The following VPS13C variants were observed in gnomAD, a reference collection of about 807,000 sequenced individuals.
The protein encoded by VPS13C is vacuolar protein sorting 13 homolog C, also known as intermembrane lipid transfer protein VPS13C.
In VPS13C, 358 loss-of-function variants were observed where a neutral mutation model predicts 456.8. The ratio of observed to expected loss-of-function variants is 0.78; its 90% CI spans 0.72 to 0.86. VPS13C has a LOEUF of 0.86. Ranked by LOEUF, VPS13C falls within the 40% of genes least tolerant of loss-of-function variation. The pLI is 0.00. For synonymous variants in VPS13C, 1,578 were observed against 1,486.7 expected (o/e 1.06, Z -1.41); for missense variants, 4,818 against 4,385.4 (o/e 1.10, Z -2.79).
At position 61,863,513 on chromosome 15, in the gene VPS13C, A is replaced by G. The variant is rs1242793295; in HGVS notation, c.10879T>C (p.Leu3627=). 15 of 1,612,666 alleles carry G rather than the reference A, an allele frequency of 9.3e-6. No homozygotes were observed. Among genetic ancestry groups the G allele is most frequent in the Non-Finnish European group, 1.3e-5 (15 of 1,179,076 alleles). The change falls in exon 82 of 85, where the codon TTG becomes CTG. Residue 3627 remains leucine, a synonymous_variant. Coordinates refer to ENST00000644861, the MANE Select transcript of VPS13C (RefSeq NM_020821.3). ...SDLLENHIKK[L]EGETYRYHCA... is the part of the protein sequence containing the mutation. ...TGGTATCGGTAAGTCTCTCCTTCCA[A>G]CTTTTTGATATGATTCTGAAAAGGA...
At chr15:61,973,432 A>C in intron 26 of VPS13C, 22 bp downstream of exon 26, 1 of 1,581,050 alleles carries the variant, frequency 6.3e-7, no homozygotes, top group Non-Finnish European at 8.7e-7. Flanking sequence ...TTAATAGAGA[A>C]AGAGTATTTT....
At chr15:61,914,878 T>TAAAAAAAAAAAAAAAAAAAAAAAAA (rs60910951) in intron 61 of VPS13C, among the ~76,000 whole-genome samples, 6 of 102,052 alleles carry the variant, frequency 5.9e-5, no homozygotes, top group Admixed American at 1.1e-4. Flanking sequence ...AACTCTGCCT[T>TAAAAAAAAAAAAAAAAAAAAAAAAA]AAAAAAAAAA....
intron 14 of VPS13C, 99 bp from the exon 15 acceptor site, chr15:62,007,578 G>T: frequency 9.2e-7 from 1 of 1,090,554 alleles, no homozygotes; most frequent in Non-Finnish European, 1.2e-6. Context: ...CAAATTTTTT[G>T]TTCTTCTTAA....
rs12917535 is a variant in VPS13C, at chr15:62,033,319, A to T, written c.385+122T>A. The stretch of plus-strand genomic sequence containing the variant: ...AAAATATAAGCAATATTTTGAGATT[A>T]AAAAAAAATTATGTCTTTAGAACTT... On this transcript the variant is annotated intron_variant, in intron 5 of 84. Coordinates refer to ENST00000644861, the MANE Select transcript of VPS13C (RefSeq NM_020821.3). The T allele has an allele frequency of 0.56, 270,278 of 485,130 alleles. 74,370 individuals are homozygous for T. The highest frequency in any genetic ancestry group is 0.65 in the Admixed American group (14,773 of 22,808). The allele number at this position is 485,130 out of a possible 1,614,324, so 30.1% of individuals were successfully genotyped here.
At chr15:61,983,186 C>T (rs2140391844) in intron 20 of VPS13C, among the ~76,000 whole-genome samples, 1 of 151,650 alleles carries the variant, frequency 6.6e-6, no homozygotes, top group African/African-American at 2.4e-5. Context: ...TCCCCCCACC[C>T]ACACACACAC....
At chr15:61,949,987 T>C (rs4581655) in intron 41 of VPS13C, among the ~76,000 whole-genome samples, 66,695 of 152,076 alleles carry the variant, frequency 0.44, 14,759 homozygotes, top group Middle Eastern at 0.64. Context: ...CCTTGCTTTA[T>C]GCTTCAGTTA....
chr15:61,928,559 T>A (rs1260433935), intron 51 of VPS13C, among the ~76,000 whole-genome samples: 1 of 152,076 alleles, frequency 6.6e-6, no homozygotes, highest in Non-Finnish European at 1.5e-5. Context: ...GAGAGAAAAA[T>A]ATCTGACCTT....
Position 61,940,698 on chromosome 15 carries a change from C to G in VPS13C, c.5550G>C (p.Trp1850Cys). 1.2e-6 allele frequency: 2 copies of G among 1,613,748 alleles called. No individual in the cohort carries two copies. Among genetic ancestry groups the G allele is most frequent in the Non-Finnish European group, 8.5e-7 (1 of 1,179,852 alleles). Residue 1850 changes from tryptophan to cysteine, a missense_variant, in exon 47 of 85, where the codon TGG (tryptophan) becomes TGC (cysteine). Around this residue, in one of 3 missense-constraint regions of VPS13C, gnomAD observed 4,552 missense variants for 4,130.6 expected, o/e 1.10. Transcript: ENST00000644861. ...TCTCCATCCCTGGAATTTGCACATACCATGCTGCTGCTAAGTTTCGCTGTA... is the reference window on the plus strand; with the variant it reads ...TCTCCATCCCTGGAATTTGCACATAGCATGCTGCTGCTAAGTTTCGCTGTA... Reference protein sequence around the residue: ...LSIQRNLAAAWYVQIPGMEIK... With the variant: ...LSIQRNLAAACYVQIPGMEIK...
At chr15:61,935,328 A>G (rs1014000496) in intron 48 of VPS13C, 1 of 152,210 alleles carries the variant, frequency 6.6e-6, no homozygotes, top group African/African-American at 2.4e-5. Context: ...GTCATACTAT[A>G]GAACAGTCTG....
intron 83 of VPS13C, among the ~76,000 whole-genome samples, chr15:61,855,709 T>C (rs76368430): frequency 0.012 from 1,777 of 152,144 alleles, 43 homozygotes; most frequent in African/African-American, 0.041. Flanking sequence ...GAAATTGCCA[T>C]ATTTAGAATA....
intron 47 of VPS13C, among the ~76,000 whole-genome samples, 196 bp from the exon 48 acceptor site, chr15:61,936,946 C>T (rs1408621176): frequency 6.6e-6 from 1 of 152,194 alleles, no homozygotes; most frequent in African/African-American, 2.4e-5. Context: ...TGCCTTCGCC[C>T]ATATCCAGGC....
At chr15:62,018,475 T>C (rs1196696371) in intron 9 of VPS13C, among the ~76,000 whole-genome samples, 1 of 151,796 alleles carries the variant, frequency 6.6e-6, no homozygotes. Flanking sequence ...ATACCTAATC[T>C]ATTGAGAGTT....
At chr15:61,864,881 T>G (rs1266515738) in intron 81 of VPS13C, 8 of 973,140 alleles carry the variant, frequency 8.2e-6, no homozygotes, top group Non-Finnish European at 9.8e-6. Context: ...CAGCTTGAAA[T>G]TTAAATATGT....
chr15:61,954,941 A>G (rs1052840127), intron 37 of VPS13C, among the ~76,000 whole-genome samples: 5 of 152,162 alleles, frequency 3.3e-5, no homozygotes, highest in African/African-American at 1.2e-4. Flanking sequence ...CCAGGGAATG[A>G]TAACACATGA....
At position 61,867,461 on chromosome 15, in the gene VPS13C, T is replaced by A; in HGVS notation, c.10863+1198A>T. 2 of 987,800 alleles carry A rather than the reference T, an allele frequency of 2.0e-6. No individual in the cohort carries two copies. Among genetic ancestry groups the A allele is most frequent in the Non-Finnish European group, 2.4e-6 (2 of 831,794 alleles). 61.2% of individuals were successfully genotyped at this position (987,800 alleles called of 1,614,324 possible). On this transcript the variant is annotated intron_variant, in intron 81 of 84. Coordinates refer to ENST00000644861, the MANE Select transcript of VPS13C (RefSeq NM_020821.3). This position sits in a 1 kb window ranked among gnomAD's most constrained non-coding sequence, Gnocchi z 5.0. The stretch of plus-strand genomic sequence containing the variant: ...TTAAAGCAGATGCTCCAGGTAATAG[T>A]CCCGTAACTTAAGCAAATTTAGAGC...
At position 61,867,133 on chromosome 15, in the gene VPS13C, T is replaced by G; in HGVS notation, c.10863+1526A>C. ...TGGTTTTTGAAAATAAAGAAATCTA[T>G]GTATTCAAGTGCCACACAGCAATTT... On this transcript the variant is annotated intron_variant, in intron 81 of 84. Coordinates refer to ENST00000644861, the MANE Select transcript of VPS13C (RefSeq NM_020821.3). This position sits in a 1 kb window ranked among gnomAD's most constrained non-coding sequence, Gnocchi z 5.0. The G allele has an allele frequency of 1.0e-6, 1 of 981,886 alleles. No homozygotes were observed. The highest frequency in any genetic ancestry group is 5.3e-4 in the Middle Eastern group (1 of 1,904). 60.8% of individuals were successfully genotyped at this position (981,886 alleles called of 1,614,324 possible).
chr15:62,015,051 G>A (rs2047180299), intron 9 of VPS13C, among the ~76,000 whole-genome samples: 1 of 152,220 alleles, frequency 6.6e-6, no homozygotes, highest in Non-Finnish European at 1.5e-5. Flanking sequence ...TAGTATACCT[G>A]TTATCAGACA....
At chr15:61,966,490 A>G (rs2045381082) in intron 29 of VPS13C, among the ~76,000 whole-genome samples, 1 of 151,792 alleles carries the variant, frequency 6.6e-6, no homozygotes, top group African/African-American at 2.4e-5. Context: ...ACATTTTTTT[A>G]TATCTCCAGT....
At position 61,954,491 on chromosome 15, in the gene VPS13C, A is replaced by G. The variant is rs1014633379; in HGVS notation, c.4229T>C (p.Leu1410Ser). The stretch of plus-strand genomic sequence containing the variant: ...CCTAATTTCTTCCACTCCAGTTGTT[A>G]AAGTATTTTTTGAATCATGTACATC... ...SQDVHDSKNTLTTGVEEIRSV... is the reference protein window; with the variant it reads ...SQDVHDSKNTSTTGVEEIRSV... Residue 1410 changes from leucine (L) to serine (S), a missense_variant, in exon 38 of 85, where the codon TTA becomes TCA. Leu to Ser is a moderately radical substitution (Grantham distance 145). Transcript: ENST00000644861. 3.1e-6 allele frequency: 5 copies of G among 1,610,110 alleles called. No homozygotes were observed. The highest frequency in any genetic ancestry group is 2.7e-5 in the African/African-American group (2 of 74,802).
Sources: gnomAD v4.1 joint callset for allele counts (sites outside exome capture counted in the v4.1 genomes callset) on GRCh38, gnomAD v4.1.1 for gene constraint, gnomAD v4.1.1 regional missense constraint, Gnocchi (gnomAD v3.1) non-coding constraint, MANE v1.5 for transcripts, NCBI Gene and HGNC (gene_info 2026-07-23, HGNC 2026-07-21) for gene names.